Variants in PTPRN2 observed in about 807,000 individuals in gnomAD.
PTPRN2 encodes receptor-type tyrosine-protein phosphatase N2.
A neutral mutation model predicts 118.8 loss-of-function variants in PTPRN2; 74 were observed. That is an observed-to-expected ratio of 0.62 (90% CI 0.52 to 0.76). PTPRN2 has a LOEUF of 0.76. Ranked by LOEUF, PTPRN2 falls within the 30% of genes least tolerant of loss-of-function variation. The probability of loss-of-function intolerance (pLI) is 0.00; values close to 1 mark genes in which losing one functional copy is unlikely to be tolerated. For missense variants in PTPRN2, 1,481 were observed against 1,394.4 expected (o/e 1.06, Z -0.99); for synonymous variants, 641 against 608.0 (o/e 1.05, Z -0.80).
chr7:158,179,448 G>A (rs899802933), intron 5 of PTPRN2, among the ~76,000 whole-genome samples: 1 of 151,968 alleles, frequency 6.6e-6, no homozygotes, highest in Admixed American at 6.6e-5. Context: ...CCATTCTGTG[G>A]GTTTTCTGAT....
intron 2 of PTPRN2, among the ~76,000 whole-genome samples, chr7:158,478,815 T>C (rs1363968549): frequency 6.6e-6 from 1 of 152,128 alleles, no homozygotes. Flanking sequence ...GACACGTTCA[T>C]ATTCTCAATG....
At chr7:158,414,941 G>A (rs907713708) in intron 2 of PTPRN2, among the ~76,000 whole-genome samples, 7 of 152,080 alleles carry the variant, frequency 4.6e-5, no homozygotes, top group African/African-American at 1.7e-4. Flanking sequence ...AACAGGAGCT[G>A]AGCACTCCAG....
At chr7:157,734,931 C>T (rs551651625) in intron 12 of PTPRN2, among the ~76,000 whole-genome samples, 3 of 152,220 alleles carry the variant, frequency 2.0e-5, no homozygotes, top group Non-Finnish European at 2.9e-5. Context: ...ATGGAGGAAA[C>T]GCGCACACAC....
intron 2 of PTPRN2, among the ~76,000 whole-genome samples, chr7:158,458,329 G>C (rs187117069): frequency 6.6e-6 from 1 of 152,250 alleles, no homozygotes; most frequent in Admixed American, 6.5e-5. Context: ...AGGAGATGCT[G>C]ACACAGGCTG....
At chr7:158,314,479 C>G (rs903294346) in intron 3 of PTPRN2, among the ~76,000 whole-genome samples, 1 of 152,260 alleles carries the variant, frequency 6.6e-6, no homozygotes, top group Non-Finnish European at 1.5e-5. Flanking sequence ...ACATTGATAC[C>G]CATATCTACG....
rs892852839 is a variant in PTPRN2, at chr7:158,563,497, A to G, written c.112+24061T>C. On this transcript the variant is annotated intron_variant, in intron 1 of 22. Coordinates refer to ENST00000389418, the MANE Select transcript of PTPRN2 (RefSeq NM_002847.5). This position sits in a 1 kb window ranked among gnomAD's most constrained non-coding sequence, Gnocchi z 5.1. The stretch of plus-strand genomic sequence containing the variant: ...TGCAAGCTAAAAAAATGACCAAGAT[A>G]TAAGGCCGTGGAAATGCAACTTGAT... Among the ~76,000 whole-genome samples, 1 of 152,266 alleles carries G rather than the reference A, an allele frequency of 6.6e-6. No individual in the cohort carries two copies. Among genetic ancestry groups the G allele is most frequent in the South Asian group, 2.1e-4 (1 of 4,834 alleles).
At chr7:158,358,476 CA>C (rs1187985707) in intron 2 of PTPRN2, among the ~76,000 whole-genome samples, 7 of 152,220 alleles carry the variant, frequency 4.6e-5, no homozygotes, top group African/African-American at 1.7e-4. Context: ...GACTTGAAAG[CA>C]ATGACTCAAA....
At chr7:158,071,748 A>AGGTGCTCGTGGTGGAGTTGCTCCTGG (rs1563393267) in intron 11 of PTPRN2, among the ~76,000 whole-genome samples, 1 of 27,158 alleles carries the variant, frequency 3.7e-5, no homozygotes, top group African/African-American at 1.6e-4. Flanking sequence ...GGAGGTGCTC[A>AGGTGCTCGTGGTGGAGTTGCTCCTGG]TGGTGGAGGT....
At chr7:158,257,837 G>A (rs1586009267) in intron 3 of PTPRN2, among the ~76,000 whole-genome samples, 1 of 152,364 alleles carries the variant, frequency 6.6e-6, no homozygotes, top group East Asian at 1.9e-4. Flanking sequence ...GAGCTGGTGA[G>A]GGCCACAGCC....
At chr7:158,522,904 G>A (rs774327494) in intron 1 of PTPRN2, among the ~76,000 whole-genome samples, 14 of 152,194 alleles carry the variant, frequency 9.2e-5, no homozygotes, top group South Asian at 6.2e-4. Context: ...CAGACCTGCC[G>A]TGAGAAGGGA....
At chr7:157,814,730 C>G (rs1307070015) in intron 12 of PTPRN2, among the ~76,000 whole-genome samples, 4 of 152,218 alleles carry the variant, frequency 2.6e-5, no homozygotes, top group Non-Finnish European at 5.9e-5. Context: ...TGATGGGGCC[C>G]CAGCACCCCA....
chr7:158,396,551 C>A (rs889796234), intron 2 of PTPRN2, among the ~76,000 whole-genome samples: 2 of 152,204 alleles, frequency 1.3e-5, no homozygotes, highest in Non-Finnish European at 2.9e-5. Flanking sequence ...GCCTTGCCCG[C>A]TTCCTGTGCT....
chr7:158,336,645 C>A (rs1805601470), intron 2 of PTPRN2, among the ~76,000 whole-genome samples: 2 of 105,984 alleles, frequency 1.9e-5, no homozygotes, highest in South Asian at 5.5e-4. Flanking sequence ...TCACTCACAC[C>A]CACACGTCAC....
At position 158,570,025 on chromosome 7, in the gene PTPRN2, C is replaced by A. The variant is rs556477670; in HGVS notation, c.112+17533G>T. On this transcript the variant is annotated intron_variant, in intron 1 of 22. Coordinates refer to ENST00000389418, the MANE Select transcript of PTPRN2 (RefSeq NM_002847.5). This position sits in a 1 kb window ranked among gnomAD's most constrained non-coding sequence, Gnocchi z 4.5. Reference sequence around the variant, plus strand: ...GAGCCCACGCGCCAAGGCCGCCAGGCCTTTCCTCCCTCGCGTTCCCTCAGG... The same window carrying A: ...GAGCCCACGCGCCAAGGCCGCCAGGACTTTCCTCCCTCGCGTTCCCTCAGG... Among the ~76,000 whole-genome samples the A allele has an allele frequency of 1.3e-5, 2 of 152,306 alleles. No homozygotes were observed. Among genetic ancestry groups the A allele is most frequent in the African/African-American group, 4.8e-5 (2 of 41,592 alleles).
chr7:157,616,046 C>T (rs1802751601), intron 15 of PTPRN2: 1 of 181,386 alleles, frequency 5.5e-6, no homozygotes, highest in Non-Finnish European at 1.2e-5. Flanking sequence ...AACAGGGCGC[C>T]CAGGAGACGG....
rs1478761625 is a variant in PTPRN2, at chr7:158,555,193, C to T, written c.112+32365G>A. 6.6e-5 allele frequency among the ~76,000 whole-genome samples: 10 copies of T among 152,220 alleles called. No individual in the cohort carries two copies. The highest frequency in any genetic ancestry group is 1.7e-4 in the African/African-American group (7 of 41,462). ...CTACTGCAAATCACCCCCGACGCAA[C>T]CACCAACTCCGCCAGAGGAAATCAC... On this transcript the variant is annotated intron_variant, in intron 1 of 22. Transcript: ENST00000389418. The surrounding 1 kb of genome is among the most constrained non-coding windows in gnomAD (Gnocchi z 4.7).
In PTPRN2 at chr7:158,333,121, G is replaced by A. The variant is rs1279577072; in HGVS notation, c.164-16189C>T. 6.1e-5 allele frequency among the ~76,000 whole-genome samples: 7 copies of A among 114,308 alleles called. No homozygotes were observed. The East Asian group carries it at 1.5e-3, about 24-fold the overall frequency. 75.0% of individuals were successfully genotyped at this position (114,308 alleles called of 152,430 possible). On this transcript the variant is annotated intron_variant, in intron 2 of 22. Transcript: ENST00000389418. ...GCTCTCACCATAAGAAGTGACACCT[G>A]CAGACATCACTCACACCCACAGTCT...
intron 9 of PTPRN2, among the ~76,000 whole-genome samples, chr7:158,124,961 G>C (rs538861584): frequency 6.6e-6 from 1 of 152,244 alleles, no homozygotes; most frequent in Non-Finnish European, 1.5e-5. Flanking sequence ...CCGCAGTGCG[G>C]AGGCAAGAGG....
chr7:158,396,187 G>A (rs118136924), intron 2 of PTPRN2, among the ~76,000 whole-genome samples: 1 of 152,208 alleles, frequency 6.6e-6, no homozygotes, highest in Non-Finnish European at 1.5e-5. Context: ...ACGGGAGACA[G>A]CGCCCAGCCA....
Sources: gnomAD v4.1 joint callset for allele counts (sites outside exome capture counted in the v4.1 genomes callset) on GRCh38, gnomAD v4.1.1 for gene constraint, Gnocchi (gnomAD v3.1) non-coding constraint, MANE v1.5 for transcripts, NCBI Gene and HGNC (gene_info 2026-07-23, HGNC 2026-07-21) for gene names.